The following PEPD variants were observed in gnomAD, a reference collection of about 807,000 sequenced individuals.
The protein encoded by PEPD is xaa-Pro dipeptidase.
PEPD carries 53 observed loss-of-function variants against 60.7 expected under a neutral mutation model. The observed-to-expected ratio is 0.87, with a 90% confidence interval of 0.70 to 1.10. The LOEUF is 1.10. PEPD is among the 50% of genes least tolerant of loss of function. PEPD has a pLI of 0.00. For missense variants in PEPD, 711 were observed against 711.9 expected (o/e 1.00, Z 0.01); for synonymous variants, 267 against 284.1 (o/e 0.94, Z 0.60).
In PEPD at chr19:33,476,249, G is replaced by A. The variant is rs372495084; in HGVS notation, c.548+1797C>T. Reference sequence around the variant, plus strand: ...ACAGAGTGTGGCTGTGAGGGGCGTCGGACCCACTGGCCTCTAACCCCGAGG... The same window carrying A: ...ACAGAGTGTGGCTGTGAGGGGCGTCAGACCCACTGGCCTCTAACCCCGAGG... On this transcript the variant is annotated intron_variant, in intron 7 of 14. Transcript: ENST00000244137. Among the ~76,000 whole-genome samples, 40 of 152,154 alleles carry A rather than the reference G, an allele frequency of 2.6e-4. No homozygotes were observed. The East Asian group carries it at 6.0e-3, about 23-fold the overall frequency.
rs1345913040 is a variant in PEPD at position 33,512,698 on chromosome 19, C to T, written c.96G>A (p.Glu32=). ...LFALNRQRLC[E]RLRKNPAVQA... is the part of the protein sequence containing the mutation. ...GCACAGCAGGGTTCTTCCGCAGCCG[C>T]TCACACAGGCGCTGCCGGTTCAAGG... Residue 32 remains glutamate (E), a synonymous_variant, in exon 2 of 15, where the codon GAG becomes GAA. Transcript: ENST00000244137. 2 of 1,613,994 alleles carry T rather than the reference C, an allele frequency of 1.2e-6. No homozygotes were observed. Among genetic ancestry groups the T allele is most frequent in the Admixed American group, 1.7e-5 (1 of 60,016 alleles).
At chr19:33,407,069 TG>T (rs1968645367) in intron 11 of PEPD, among the ~76,000 whole-genome samples, 1 of 152,168 alleles carries the variant, frequency 6.6e-6, no homozygotes, top group Admixed American at 6.5e-5. Flanking sequence ...GCATCCCGAC[TG>T]GGACAACCAA....
chr19:33,488,743 A>T (rs1970442818), intron 6 of PEPD, among the ~76,000 whole-genome samples: 1 of 152,094 alleles, frequency 6.6e-6, no homozygotes, highest in Non-Finnish European at 1.5e-5. Flanking sequence ...ATACATATTC[A>T]TGAGCTCATA....
At position 33,401,766 on chromosome 19, in the gene PEPD, C is replaced by T; in HGVS notation, c.922G>A (p.Ala308Thr). The change falls in exon 12 of 15, where the codon GCA (alanine) becomes ACA (threonine). Residue 308 changes from alanine to threonine, a missense_variant. Ala to Thr is a moderately conservative substitution (Grantham distance 58). Coordinates refer to ENST00000244137, the MANE Select transcript of PEPD (RefSeq NM_000285.4). ...FTADQKAVYE[A>T]VLRSSRAVMG... The stretch of plus-strand genomic sequence containing the variant: ...ACGGCACGGGAGCTCCGCAGCACTG[C>T]CTCATAGACGGCCTTCTGGTCTGCA... The T allele has an allele frequency of 9.3e-6, 15 of 1,611,204 alleles. No homozygotes were observed. The highest frequency in any genetic ancestry group is 1.3e-5 in the Non-Finnish European group (15 of 1,179,070).
chr19:33,489,545 C>T (rs1273772404), intron 6 of PEPD, among the ~76,000 whole-genome samples: 1 of 151,918 alleles, frequency 6.6e-6, no homozygotes. Flanking sequence ...AGGAGAATCA[C>T]TTGAATCCGG....
intron 3 of PEPD, among the ~76,000 whole-genome samples, chr19:33,501,229 A>G (rs1970706944): frequency 6.6e-6 from 1 of 152,118 alleles, no homozygotes; most frequent in South Asian, 2.1e-4. Context: ...TTCCTCAGCA[A>G]GCCCCGCTCC....
chr19:33,423,983 T>C (rs562441541), intron 9 of PEPD, among the ~76,000 whole-genome samples: 59 of 152,366 alleles, frequency 3.9e-4, no homozygotes, highest in African/African-American at 1.4e-3. Flanking sequence ...AGAATGCCAT[T>C]TGATTATTTT....
intron 12 of PEPD, among the ~76,000 whole-genome samples, chr19:33,396,725 G>C (rs1968374829): frequency 6.6e-6 from 1 of 151,766 alleles, no homozygotes; most frequent in Admixed American, 6.6e-5. Context: ...GGTGAGGAGA[G>C]AGGGAGCTGG....
intron 6 of PEPD, chr19:33,486,776 CAGGGTCCCA>C (rs139099473): frequency 0.08 from 12,220 of 152,352 alleles, 681 homozygotes; most frequent in Admixed American, 0.17. Context: ...CCAGCTGGAC[CAGGGTCCCA>C]AGGGTATAGG....
At chr19:33,387,617 C>T in intron 14 of PEPD, 136 bp from the exon 15 acceptor site, 1 of 1,157,758 alleles carries the variant, frequency 8.6e-7, no homozygotes, top group Non-Finnish European at 1.3e-6. Context: ...GGCCTCCGGG[C>T]TCCTTCATGG....
At chr19:33,432,803 G>A (rs1450423782) in intron 9 of PEPD, among the ~76,000 whole-genome samples, 2 of 152,226 alleles carry the variant, frequency 1.3e-5, no homozygotes, top group African/African-American at 4.8e-5. Flanking sequence ...CCCAATTAAA[G>A]GCACAAGCGC....
Position 33,521,728 on chromosome 19 carries a change from G to A in PEPD, c.17+16C>T, listed in dbSNP as rs1971142171. On this transcript the variant is annotated intron_variant, in intron 1 of 14. Coordinates refer to ENST00000244137, the MANE Select transcript of PEPD (RefSeq NM_000285.4). ...TCCACGCCAGCGGGAAAGAGCGAGG[G>A]AGGCGCAGCACTCACCCGGTGGCCG... 3 of 1,580,280 alleles carry A rather than the reference G, an allele frequency of 1.9e-6. No individual in the cohort carries two copies. The highest frequency in any genetic ancestry group is 2.7e-5 in the African/African-American group (2 of 74,348).
chr19:33,484,424 C>A (rs1207401645), intron 6 of PEPD, among the ~76,000 whole-genome samples: 1 of 152,190 alleles, frequency 6.6e-6, no homozygotes, highest in South Asian at 2.1e-4. Flanking sequence ...AGTGACTCAG[C>A]ACATAGACAC....
chr19:33,462,506 C>T (rs888391552), intron 9 of PEPD, among the ~76,000 whole-genome samples: 6 of 152,354 alleles, frequency 3.9e-5, no homozygotes, highest in South Asian at 2.1e-4. Context: ...GGGCAGCCGC[C>T]GGAAGCTCCC....
intron 9 of PEPD, among the ~76,000 whole-genome samples, chr19:33,432,527 A>G (rs1969295533): frequency 6.6e-6 from 1 of 152,176 alleles, no homozygotes; most frequent in South Asian, 2.1e-4. Context: ...TGAAGAGCCG[A>G]TTGAAAAAGC....
At chr19:33,394,011 C>T (rs1167746352) in intron 12 of PEPD, among the ~76,000 whole-genome samples, 1 of 152,274 alleles carries the variant, frequency 6.6e-6, no homozygotes, top group Non-Finnish European at 1.5e-5. Context: ...GTCCATCCAG[C>T]CTGCAGCCGT....
intron 11 of PEPD, among the ~76,000 whole-genome samples, 196 bp downstream of exon 11, chr19:33,411,476 G>A (rs1027411160): frequency 3.9e-5 from 6 of 152,200 alleles, no homozygotes; most frequent in African/African-American, 1.4e-4. Context: ...CCTGGGGGGT[G>A]CAGGCTTTTG....
At chr19:33,506,785 C>A (rs1012811405) in intron 3 of PEPD, among the ~76,000 whole-genome samples, 1 of 149,488 alleles carries the variant, frequency 6.7e-6, no homozygotes, top group African/African-American at 2.5e-5. Context: ...CACACACACA[C>A]CCCATCACAA....
intron 9 of PEPD, among the ~76,000 whole-genome samples, chr19:33,421,469 T>C (rs1410044928): frequency 1.3e-5 from 2 of 152,212 alleles, no homozygotes; most frequent in African/African-American, 4.8e-5. Context: ...AACAGATACA[T>C]GTATGTACTT....
Sources: gnomAD v4.1 joint callset for allele counts (sites outside exome capture counted in the v4.1 genomes callset) on GRCh38, gnomAD v4.1.1 for gene constraint, MANE v1.5 for transcripts, NCBI Gene and HGNC (gene_info 2026-07-23, HGNC 2026-07-21) for gene names.